SLCO4A1: variants seen among roughly 807,000 people sequenced by gnomAD.
The protein encoded by SLCO4A1 is colon organic anion transporter.
Under a neutral mutation model 64.6 loss-of-function variants are expected in SLCO4A1, and 51 were observed. The ratio of observed to expected loss-of-function variants is 0.79; its 90% CI spans 0.63 to 1.00. SLCO4A1 has a LOEUF of 1.00. SLCO4A1 is among the 50% of genes least tolerant of loss of function. SLCO4A1 has a pLI of 0.00. For missense variants in SLCO4A1, 919 were observed against 980.5 expected (o/e 0.94, Z 0.84); for synonymous variants, 471 against 444.9 (o/e 1.06, Z -0.74).
rs1478599535 is a variant in SLCO4A1, at chr20:62,668,523, A to C, written c.1858A>C (p.Ile620Leu). ...ATCCTTTGCCCTGGGAATCCAGTGGATTGTAGTTAGAATACTAGGTACTGT... is the reference window on the plus strand; with the variant it reads ...ATCCTTTGCCCTGGGAATCCAGTGGCTTGTAGTTAGAATACTAGGTACTGT... ...QRSFALGIQW[I>L]VVRILGGIPG... The change falls in exon 10 of 12, where the codon ATT becomes CTT. Residue 620 changes from isoleucine (I) to leucine (L), a missense_variant. By Grantham distance (5) the Ile-to-Leu change is conservative (BLOSUM62 2). Coordinates refer to ENST00000217159, the MANE Select transcript of SLCO4A1 (RefSeq NM_016354.4). 8.7e-6 allele frequency: 14 copies of C among 1,613,606 alleles called. No individual in the cohort carries two copies. The highest frequency in any genetic ancestry group is 1.6e-4 in the Middle Eastern group (1 of 6,078).
chr20:62,670,599 G>A (rs1987080077), intron 11 of SLCO4A1, among the ~76,000 whole-genome samples: 1 of 152,242 alleles, frequency 6.6e-6, no homozygotes, highest in South Asian at 2.1e-4. Flanking sequence ...GTCTGCGGAT[G>A]AGGGGGCTGC....
intron 1 of SLCO4A1, among the ~76,000 whole-genome samples, chr20:62,654,679 T>C (rs1983314737): frequency 6.6e-6 from 1 of 152,184 alleles, no homozygotes; most frequent in South Asian, 2.1e-4. Flanking sequence ...CCTCCCAGGT[T>C]GTGATGTTTC....
intron 1 of SLCO4A1, among the ~76,000 whole-genome samples, chr20:62,654,659 T>G (rs1351150790): frequency 6.6e-6 from 1 of 152,192 alleles, no homozygotes; most frequent in African/African-American, 2.4e-5. Context: ...TCACGCTTTG[T>G]GTTTTGGAGC....
At chr20:62,676,235 C>A (rs760003182), downstream of SLCO4A1, among the ~76,000 whole-genome samples, 1 of 151,862 alleles carries the variant, frequency 6.6e-6, no homozygotes, top group Admixed American at 6.6e-5. Context: ...GGCAACGTAG[C>A]GAAACCCTGT....
Position 62,685,493 on chromosome 20 carries a change from A to G in SLCO4A1, n.264A>G. Reference sequence around the variant, plus strand: ...TAAACCCCATCTGAGCCTTACACATAGATCTCCTTGAATTGGATTTTCACC... The same window carrying G: ...TAAACCCCATCTGAGCCTTACACATGGATCTCCTTGAATTGGATTTTCACC... On this transcript the variant is annotated non_coding_transcript_exon_variant, in exon 3 of 3. Transcript: ENST00000466818. The surrounding 1 kb of genome is among the most constrained non-coding windows in gnomAD (Gnocchi z 4.6). 1.0e-6 allele frequency: 1 copy of G among 972,402 alleles called. No homozygotes were observed. 60.2% of individuals were successfully genotyped at this position (972,402 alleles called of 1,614,324 possible).
At chr20:62,688,933 T>C (rs1262455344), downstream of SLCO4A1, among the ~76,000 whole-genome samples, 2 of 152,240 alleles carry the variant, frequency 1.3e-5, no homozygotes, top group Admixed American at 1.3e-4. Context: ...AGCCTCAGCA[T>C]GGAAGCACAG....
Position 62,652,065 on chromosome 20 carries a change from C to T in SLCO4A1, c.-96-4294C>T, listed in dbSNP as rs1163265798. The T allele has an allele frequency of 2.7e-5, 4 of 148,270 alleles. No individual in the cohort carries two copies. The East Asian group carries it at 6.1e-4, about 23-fold the overall frequency. The allele number at this position is 148,270 out of a possible 1,614,324, so 9.2% of individuals were successfully genotyped here. A position where few individuals can be genotyped will look rare whatever the true frequency, so the allele number is the denominator to read the frequency against. On this transcript the variant is annotated intron_variant, in intron 1 of 11. Coordinates refer to ENST00000217159, the MANE Select transcript of SLCO4A1 (RefSeq NM_016354.4). ...CCCCGCCCCACACCCCCCACCCCCG[C>T]TCGGCCCCCCTCCCCGTGCCAGCAC...
intron 4 of SLCO4A1, 143 bp from the exon 5 acceptor site, chr20:62,660,921 G>C: frequency 1.6e-6 from 1 of 632,938 alleles, no homozygotes; most frequent in Non-Finnish European, 2.8e-6. Flanking sequence ...CGCCTCCCCG[G>C]GGCTGCGAGG....
At chr20:62,646,580 G>A (rs1981374046) in intron 1 of SLCO4A1, among the ~76,000 whole-genome samples, 1 of 152,274 alleles carries the variant, frequency 6.6e-6, no homozygotes, top group African/African-American at 2.4e-5. Context: ...GGCCAGGGCA[G>A]CAGTGGGGAC....
chr20:62,654,984 A>G (rs1301139394), intron 1 of SLCO4A1, among the ~76,000 whole-genome samples: 1 of 152,134 alleles, frequency 6.6e-6, no homozygotes, highest in East Asian at 1.9e-4. Context: ...TTTTTATAAT[A>G]TGGACACCGG....
intron 2 of SLCO4A1, among the ~76,000 whole-genome samples, chr20:62,682,157 T>C (rs932445610): frequency 5.9e-5 from 9 of 152,198 alleles, no homozygotes; most frequent in Non-Finnish European, 1.0e-4. Flanking sequence ...CCACTACTGG[T>C]GTTAGCTTGT....
At chr20:62,650,051 G>A (rs574177328) in intron 1 of SLCO4A1, 4 of 152,244 alleles carry the variant, frequency 2.6e-5, no homozygotes, top group East Asian at 1.9e-4. Context: ...TGCCTTTTCC[G>A]GGGGAAGCTG....
downstream of SLCO4A1, among the ~76,000 whole-genome samples, chr20:62,687,132 ACG>A: frequency 7.8e-5 from 10 of 127,548 alleles, no homozygotes; most frequent in African/African-American, 3.4e-4. Flanking sequence ...CCAAACAGGC[ACG>A]ATGGGTGGGG....
chr20:62,690,069 G>T (rs566893342), downstream of SLCO4A1, among the ~76,000 whole-genome samples: 297 of 152,330 alleles, frequency 1.9e-3, no homozygotes, highest in African/African-American at 6.9e-3. Context: ...CCCTTGCCTG[G>T]TGAGTGGGCC....
In SLCO4A1 at chr20:62,657,053, A is replaced by G. The variant is rs766797893; in HGVS notation, c.599A>G (p.Glu200Gly). ...TTCACGGCTGGCCGCTATGAGGTGG[A>G]GTTGGACGCGGGTGTCAGGACGTGC... ...PHFTAGRYEV[E>G]LDAGVRTCPA... The change falls in exon 2 of 12, where the codon GAG becomes GGG. Residue 200 changes from glutamate (E) to glycine (G), a missense_variant. Glu to Gly is a moderately conservative substitution (Grantham distance 98). Transcript: ENST00000217159. 1.9e-5 allele frequency: 31 copies of G among 1,596,344 alleles called. No homozygotes were observed. Among genetic ancestry groups the G allele is most frequent in the Non-Finnish European group, 2.6e-5 (30 of 1,169,632 alleles).
chr20:62,687,161 C>T (rs374373588), downstream of SLCO4A1, among the ~76,000 whole-genome samples: 18 of 147,412 alleles, frequency 1.2e-4, no homozygotes, highest in African/African-American at 3.9e-4. Flanking sequence ...CAAACAGGAG[C>T]GATGGAAAGG....
downstream of SLCO4A1, among the ~76,000 whole-genome samples, chr20:62,672,879 A>G (rs1406767230): frequency 6.6e-6 from 1 of 151,998 alleles, no homozygotes; most frequent in Non-Finnish European, 1.5e-5. Flanking sequence ...CTCTCTGAGG[A>G]CTTAGTTTCA....
At chr20:62,664,316 A>G (rs1419611771) in intron 5 of SLCO4A1, among the ~76,000 whole-genome samples, 6 of 152,144 alleles carry the variant, frequency 3.9e-5, no homozygotes, top group African/African-American at 1.4e-4. Flanking sequence ...CCGTCTACCC[A>G]GGGGCTTCTT....
chr20:62,666,128 C>CCCCTTCCCCTTCCCCTTA (rs1569142302), intron 6 of SLCO4A1: 2 of 122,900 alleles, frequency 1.6e-5, no homozygotes, highest in African/African-American at 3.0e-5. Flanking sequence ...GCTCCCCCTT[C>CCCCTTCCCCTTCCCCTTA]CCCTTCCCCT....
Sources: allele counts gnomAD v4.1 joint callset (sites outside exome capture counted in the v4.1 genomes callset), GRCh38; gene constraint gnomAD v4.1.1; non-coding constraint Gnocchi (gnomAD v3.1); transcripts MANE v1.5; gene names NCBI Gene and HGNC (gene_info 2026-07-23, HGNC 2026-07-21).